ZNF865: variants seen among roughly 807,000 people sequenced by gnomAD.
ZNF865 encodes the protein zinc finger protein 865.
For missense variants in ZNF865, 1,311 were observed against 1,593.4 expected, an observed-to-expected ratio of 0.82 and a Z score of 3.02; for synonymous variants, 763 against 750.8, an observed-to-expected ratio of 1.02 and a Z score of -0.27.
In ZNF865 at chr19:55,615,644, G is replaced by A. The variant is rs1981328531; in HGVS notation, c.2026G>A (p.Glu676Lys). 3 of 1,534,416 alleles carry A rather than the reference G, an allele frequency of 2.0e-6. No individual in the cohort carries two copies. The highest frequency in any genetic ancestry group is 2.7e-5 in the African/African-American group (2 of 72,866). The stretch of plus-strand genomic sequence containing the variant: ...GAGCTACGCCTGCTCGGACTGCGGC[G>A]AGCACTTCCCGGATCTCTTTCACGT... The part of the protein sequence containing the change: ...GLSYACSDCG[E>K]HFPDLFHVMS... The change falls in exon 2 of 2, where the codon GAG (glutamate) becomes AAG (lysine). Residue 676 changes from glutamate (E) to lysine (K), a missense_variant. By Grantham distance (56) the Glu-to-Lys change is moderately conservative. Transcript: ENST00000568956.
chr19:55,606,670 C>A (rs867418539), intron 1 of ZNF865, among the ~76,000 whole-genome samples: 5 of 152,256 alleles, frequency 3.3e-5, no homozygotes, highest in African/African-American at 2.4e-5. Flanking sequence ...CTAGGGAAGA[C>A]CCTGGACTTC....
At chr19:55,610,458 G>T (rs1011629776) in intron 1 of ZNF865, among the ~76,000 whole-genome samples, 1 of 152,048 alleles carries the variant, frequency 6.6e-6, no homozygotes, top group African/African-American at 2.4e-5. Context: ...ACGGGGTTTC[G>T]CCATGTAGGC....
Position 55,613,983 on chromosome 19 carries a change from C to A in ZNF865, c.365C>A (p.Pro122His). 1 of 1,524,760 alleles carries A rather than the reference C, an allele frequency of 6.6e-7. No homozygotes were observed. 94.5% of individuals were successfully genotyped at this position (1,524,760 alleles called of 1,614,324 possible). A position where few individuals can be genotyped will look rare whatever the true frequency, so the allele number is the denominator to read the frequency against. Residue 122 changes from proline to histidine, a missense_variant, in exon 2 of 2, where the codon CCC (proline) becomes CAC (histidine). Physicochemically the swap from Pro to His is moderately conservative, Grantham distance 77. Coordinates refer to ENST00000568956, the MANE Select transcript of ZNF865 (RefSeq NM_001195605.2). ...SSSSSSQAKK[P>H]DPPLPPAFGA... ...TCTTCCTCTTCCCAAGCCAAGAAGC[C>A]CGATCCGCCCCTGCCGCCCGCCTTC...
chr19:55,609,292 A>G (rs945647619), intron 1 of ZNF865, among the ~76,000 whole-genome samples: 2 of 152,148 alleles, frequency 1.3e-5, no homozygotes, highest in Non-Finnish European at 2.9e-5. Context: ...AAGTGCTGGC[A>G]TTACAGGCAT....
Position 55,616,801 on chromosome 19 carries a change from G to C in ZNF865, c.*3G>C. The C allele has an allele frequency of 6.9e-7, 1 of 1,440,724 alleles. No homozygotes were observed. Among genetic ancestry groups the C allele is most frequent in the South Asian group, 1.5e-5 (1 of 68,586 alleles). The allele number at this position is 1,440,724 out of a possible 1,614,324, so 89.2% of individuals were successfully genotyped here. Reference sequence around the variant, plus strand: ...CCTTGGCCGGGAAGGATGCCTGACCGAGGGGTTCCCATCCCACTCCCATCA... The same window carrying C: ...CCTTGGCCGGGAAGGATGCCTGACCCAGGGGTTCCCATCCCACTCCCATCA... On this transcript the variant is annotated 3_prime_UTR_variant, in exon 2 of 2. Coordinates refer to ENST00000568956, the MANE Select transcript of ZNF865 (RefSeq NM_001195605.2).
Position 55,617,019 on chromosome 19 carries a change from C to A in ZNF865, c.*221C>A, listed in dbSNP as rs1481531391. 4.4e-6 allele frequency: 2 copies of A among 454,050 alleles called. No homozygotes were observed. Among genetic ancestry groups the A allele is most frequent in the African/African-American group, 4.1e-5 (2 of 49,064 alleles). The allele number at this position is 454,050 out of a possible 1,614,324, so 28.1% of individuals were successfully genotyped here. On this transcript the variant is annotated 3_prime_UTR_variant, in exon 2 of 2. Coordinates refer to ENST00000568956, the MANE Select transcript of ZNF865 (RefSeq NM_001195605.2). Reference sequence around the variant, plus strand: ...ATCCCATCAGACACTGAACCCTATCCTCCGTCCAACCCTCGTTTGTGACCC... The same window carrying A: ...ATCCCATCAGACACTGAACCCTATCATCCGTCCAACCCTCGTTTGTGACCC...
At chr19:55,609,482 G>T (rs1981057530) in intron 1 of ZNF865, among the ~76,000 whole-genome samples, 1 of 152,202 alleles carries the variant, frequency 6.6e-6, no homozygotes, top group African/African-American at 2.4e-5. Flanking sequence ...CACATCCAGT[G>T]TTATATGCGC....
At chr19:55,606,220 C>G (rs1288247065) in intron 1 of ZNF865, among the ~76,000 whole-genome samples, 1 of 152,142 alleles carries the variant, frequency 6.6e-6, no homozygotes, top group Non-Finnish European at 1.5e-5. Context: ...CCCAATGGCC[C>G]TGACCACCTC....
chr19:55,615,675 G>A lies in ZNF865; in HGVS notation c.2057G>A (p.Ser686Asn), dbSNP rs1327212763. The A allele has an allele frequency of 1.3e-6, 2 of 1,534,460 alleles. No homozygotes were observed. The highest frequency in any genetic ancestry group is 2.7e-5 in the African/African-American group (2 of 72,892). ...TTCCCGGATCTCTTTCACGTCATGA[G>A]TCACAAGGAGGTCCACATGGCAGAG... Reference protein sequence around the residue: ...EHFPDLFHVMSHKEVHMAEKP... With the variant: ...EHFPDLFHVMNHKEVHMAEKP... Residue 686 changes from serine to asparagine, a missense_variant, in exon 2 of 2, where the codon AGT becomes AAT. By Grantham distance (46) the Ser-to-Asn change is conservative. Transcript: ENST00000568956.
chr19:55,606,093 G>A (rs1239482443), intron 1 of ZNF865, among the ~76,000 whole-genome samples: 1 of 152,006 alleles, frequency 6.6e-6, no homozygotes, highest in African/African-American at 2.4e-5. Flanking sequence ...TCCCCATGTA[G>A]GGCAGCTGCT....
rs866921652 is a variant in ZNF865, at chr19:55,614,080, G to C, written c.462G>C (p.Gly154=). ...AGTGGGGCATCGTGGACCTCTCGGG[G>C]CACCAGCACTTGTTTGGGAACCTGA... ...TPQWGIVDLS[G]HQHLFGNLKR... The change falls in exon 2 of 2, where the codon GGG becomes GGC. Residue 154 remains glycine (G), a synonymous_variant. Coordinates refer to ENST00000568956, the MANE Select transcript of ZNF865 (RefSeq NM_001195605.2). The surrounding 1 kb of genome is among the most constrained non-coding windows in gnomAD (Gnocchi z 8.0). 1.0e-5 allele frequency: 15 copies of C among 1,443,666 alleles called. No individual in the cohort carries two copies. In the African/African-American group the frequency reaches 1.5e-4, roughly 14 times the overall value. 89.4% of individuals were successfully genotyped at this position (1,443,666 alleles called of 1,614,324 possible). A position where few individuals can be genotyped will look rare whatever the true frequency, so the allele number is the denominator to read the frequency against.
chr19:55,612,265 C>T (rs574192102), intron 1 of ZNF865, among the ~76,000 whole-genome samples: 1 of 151,912 alleles, frequency 6.6e-6, no homozygotes, highest in African/African-American at 2.4e-5. Context: ...GATTTGAACC[C>T]AGGTCTGTCC....
At chr19:55,607,715 T>C (rs1188677959) in intron 1 of ZNF865, among the ~76,000 whole-genome samples, 3 of 152,294 alleles carry the variant, frequency 2.0e-5, no homozygotes, top group East Asian at 1.9e-4. Flanking sequence ...CAAAAAGTTA[T>C]ACAAGAGTAA....
In ZNF865 at chr19:55,614,384, G is replaced by A. The variant is rs1353445262; in HGVS notation, c.766G>A (p.Val256Ile). The A allele has an allele frequency of 6.7e-6, 10 of 1,483,466 alleles. No individual in the cohort carries two copies. The highest frequency in any genetic ancestry group is 2.5e-5 in the South Asian group (2 of 79,012). The allele number at this position is 1,483,466 out of a possible 1,614,324, so 91.9% of individuals were successfully genotyped here. A position where few individuals can be genotyped will look rare whatever the true frequency, so the allele number is the denominator to read the frequency against. Residue 256 changes from valine to isoleucine, a missense_variant, in exon 2 of 2, where the codon GTC becomes ATC. Transcript: ENST00000568956. This position sits in a 1 kb window ranked among gnomAD's most constrained non-coding sequence, Gnocchi z 8.0. ...GGGGGAGAGGCCCTACGAATGCGGC[G>A]TCTGCGGCCGCACCTACAACCACGT... is the stretch of plus-strand genomic sequence containing the variant. Reference protein sequence around the residue: ...HSGERPYECGVCGRTYNHVSS... With the variant: ...HSGERPYECGICGRTYNHVSS...
At position 55,615,893 on chromosome 19, in the gene ZNF865, G is replaced by A. The variant is rs761822123; in HGVS notation, c.2275G>A (p.Ala759Thr). The A allele has an allele frequency of 2.0e-6, 3 of 1,472,070 alleles. No homozygotes were observed. Among genetic ancestry groups the A allele is most frequent in the South Asian group, 1.3e-5 (1 of 74,256 alleles). The allele number at this position is 1,472,070 out of a possible 1,614,324, so 91.2% of individuals were successfully genotyped here. The part of the protein sequence containing the change: ...LDNGLAGEVG[A>T]AVAALAGVSG... The stretch of plus-strand genomic sequence containing the variant: ...CAACGGGCTGGCGGGGGAGGTGGGG[G>A]CGGCCGTGGCGGCACTGGCAGGGGT... Residue 759 changes from alanine to threonine, a missense_variant, in exon 2 of 2, where the codon GCG becomes ACG. By Grantham distance (58) the Ala-to-Thr change is moderately conservative. Transcript: ENST00000568956.
In ZNF865 at chr19:55,615,843, G is replaced by A. The variant is rs1981336620; in HGVS notation, c.2225G>A (p.Gly742Asp). Residue 742 changes from glycine to aspartate, a missense_variant, in exon 2 of 2, where the codon GGC becomes GAC. Physicochemically the swap from Gly to Asp is moderately conservative, Grantham distance 94 (BLOSUM62 -1). Coordinates refer to ENST00000568956, the MANE Select transcript of ZNF865 (RefSeq NM_001195605.2). ...CTGCAGCCCCCGGACGGCTCCAGCG[G>A]CACGGATGCGGCCAGCGTGCTGGAC... The part of the protein sequence containing the change: ...GGLQPPDGSS[G>D]TDAASVLDNG... 4 of 1,498,258 alleles carry A rather than the reference G, an allele frequency of 2.7e-6. No homozygotes were observed. The highest frequency in any genetic ancestry group is 2.9e-5 in the African/African-American group (2 of 69,704). 92.8% of individuals were successfully genotyped at this position (1,498,258 alleles called of 1,614,324 possible).
Position 55,616,974 on chromosome 19 carries a change from G to A in ZNF865, c.*176G>A, listed in dbSNP as rs575360282. ...TCAAGACTGAATCACTCCCATCCTC[G>A]ACCTCTCTGCCCTCCCCTCATCCCA... On this transcript the variant is annotated 3_prime_UTR_variant, in exon 2 of 2. Transcript: ENST00000568956. The A allele has an allele frequency of 3.4e-6, 2 of 585,970 alleles. No individual in the cohort carries two copies. Among genetic ancestry groups the A allele is most frequent in the Non-Finnish European group, 5.5e-6 (2 of 366,402 alleles). 36.3% of individuals were successfully genotyped at this position (585,970 alleles called of 1,614,324 possible). A position where few individuals can be genotyped will look rare whatever the true frequency, so the allele number is the denominator to read the frequency against.
chr19:55,611,484 C>T lies in ZNF865; in HGVS notation c.-26-2109C>T, dbSNP rs1981132760. 6.6e-6 allele frequency among the ~76,000 whole-genome samples: 1 copy of T among 152,220 alleles called. No individual in the cohort carries two copies. The highest frequency in any genetic ancestry group is 2.1e-4 in the South Asian group (1 of 4,832). On this transcript the variant is annotated intron_variant, in intron 1 of 1. Transcript: ENST00000568956. This position sits in a 1 kb window ranked among gnomAD's most constrained non-coding sequence, Gnocchi z 4.5. ...ACAGCCTTCCAATTACCACCCCAGCCAAGCCTGTCCTCTTTCCGGAGATCA... is the reference window on the plus strand; with the variant it reads ...ACAGCCTTCCAATTACCACCCCAGCTAAGCCTGTCCTCTTTCCGGAGATCA...
chr19:55,614,769 G>A lies in ZNF865; in HGVS notation c.1151G>A (p.Ser384Asn). The change falls in exon 2 of 2, where the codon AGC becomes AAC. Residue 384 changes from serine (S) to asparagine (N), a missense_variant. Transcript: ENST00000568956. The surrounding 1 kb of genome is among the most constrained non-coding windows in gnomAD (Gnocchi z 8.0). ...GEKPFSCSVC[S>N]KSFNRRESLK... is the part of the protein sequence containing the mutation. ...AAGCCCTTCTCCTGCTCCGTGTGCA[G>A]CAAAAGCTTCAACCGCAGGGAGAGT... 1 of 1,574,172 alleles carries A rather than the reference G, an allele frequency of 6.4e-7. No homozygotes were observed.
Sources: gnomAD v4.1 joint callset for allele counts (sites outside exome capture counted in the v4.1 genomes callset) on GRCh38, gnomAD v4.1.1 for gene constraint, Gnocchi (gnomAD v3.1) non-coding constraint, MANE v1.5 for transcripts, NCBI Gene and HGNC (gene_info 2026-07-23, HGNC 2026-07-21) for gene names.